The following FER1L6 variants were observed in gnomAD, a reference collection of about 807,000 sequenced individuals.
FER1L6 encodes fer-1-like protein 6.
Under a neutral mutation model 219.2 loss-of-function variants are expected in FER1L6, and 177 were observed. The ratio of observed to expected loss-of-function variants is 0.81; its 90% confidence interval spans 0.71 to 0.91. The LOEUF (loss-of-function observed/expected upper bound fraction) is 0.91, where lower values mean the gene tolerates loss of function less well. Ranked by LOEUF, FER1L6 falls within the 40% of genes least tolerant of loss-of-function variation. The pLI is 0.00. For synonymous variants in FER1L6, 768 were observed against 824.3 expected, an observed-to-expected ratio of 0.93 and a Z score of 1.17; for missense variants, 2,153 against 2,259.9, an observed-to-expected ratio of 0.95 and a Z score of 0.96.
At chr8:124,080,160 T>G (rs1216566408) in intron 32 of FER1L6, among the ~76,000 whole-genome samples, 1 of 152,156 alleles carries the variant, frequency 6.6e-6, no homozygotes, top group Non-Finnish European at 1.5e-5. Flanking sequence ...GCTCAGAGGC[T>G]CTTCATGCTT....
In FER1L6 at chr8:123,853,385, C is replaced by T. The variant is rs751023932; in HGVS notation, c.-8+1200C>T. 6.6e-6 allele frequency among the ~76,000 whole-genome samples: 1 copy of T among 151,778 alleles called. No homozygotes were observed. Among genetic ancestry groups the T allele is most frequent in the African/African-American group, 2.4e-5 (1 of 41,308 alleles). ...GGCCAGGATGGTCTCAAACTTCTGA[C>T]CTCAAACGATCCACCCACCTCAGCC... is the stretch of plus-strand genomic sequence containing the variant. On this transcript the variant is annotated intron_variant, in intron 1 of 40. Coordinates refer to ENST00000522917, the MANE Select transcript of FER1L6 (RefSeq NM_001039112.2). The surrounding 1 kb of genome is among the most constrained non-coding windows in gnomAD (Gnocchi z 6.6).
intron 13 of FER1L6, among the ~76,000 whole-genome samples, chr8:124,008,312 A>C (rs1450287796): frequency 6.6e-6 from 1 of 152,188 alleles, no homozygotes; most frequent in Non-Finnish European, 1.5e-5. Context: ...CATCATATAT[A>C]CGCACACACA....
At chr8:123,913,471 C>T (rs1813099806) in intron 1 of FER1L6, among the ~76,000 whole-genome samples, 1 of 152,192 alleles carries the variant, frequency 6.6e-6, no homozygotes, top group East Asian at 1.9e-4. Context: ...TGTTTTTTTA[C>T]TTTGGGCTTT....
At position 124,097,840 on chromosome 8, in the gene FER1L6, A is replaced by G. The variant is rs1435914822; in HGVS notation, c.4840A>G (p.Asn1614Asp). 4.4e-6 allele frequency: 7 copies of G among 1,607,576 alleles called. No homozygotes were observed. Among genetic ancestry groups the G allele is most frequent in the Non-Finnish European group, 6.0e-6 (7 of 1,173,956 alleles). ...TGAAGATGTCATTTTAGAGGATGAG[A>G]ATATCTTCACAGGCCAAAAATCAAG... ...NTEDVILEDE[N>D]IFTGQKSSDI... The change falls in exon 37 of 41, where the codon AAT (asparagine) becomes GAT (aspartate). Residue 1614 changes from asparagine (N) to aspartate (D), a missense_variant. Asn to Asp is a conservative substitution (Grantham distance 23, BLOSUM62 1). Transcript: ENST00000522917.
chr8:124,103,440 T>C, intron 39 of FER1L6, 131 bp downstream of exon 39: 1 of 847,948 alleles, frequency 1.2e-6, no homozygotes, highest in Non-Finnish European at 1.8e-6. Flanking sequence ...GAGGTTCTGC[T>C]AAGAAGCAAG....
rs1043669289 is a variant in FER1L6 at position 124,036,237 on chromosome 8, T to C, written c.2464+783T>C. 3.9e-5 allele frequency: 6 copies of C among 152,294 alleles called. 1 individual carries two copies. The highest frequency in any genetic ancestry group is 3.9e-4 in the Admixed American group (6 of 15,290). 9.4% of individuals were successfully genotyped at this position (152,294 alleles called of 1,614,324 possible). A position where few individuals can be genotyped will look rare whatever the true frequency, so the allele number is the denominator to read the frequency against. On this transcript the variant is annotated intron_variant, in intron 19 of 40. Coordinates refer to ENST00000522917, the MANE Select transcript of FER1L6 (RefSeq NM_001039112.2). ...TCAGGTCTTCTCTGTGGCCCAAGGCTCCTCTGAGGTTGGTTGAACTTAGAC... is the reference window on the plus strand; with the variant it reads ...TCAGGTCTTCTCTGTGGCCCAAGGCCCCTCTGAGGTTGGTTGAACTTAGAC...
At chr8:123,878,441 G>C (rs1254632711) in intron 1 of FER1L6, among the ~76,000 whole-genome samples, 1 of 152,136 alleles carries the variant, frequency 6.6e-6, no homozygotes, top group Non-Finnish European at 1.5e-5. Flanking sequence ...AGCTTCTGAC[G>C]TACCCATCAC....
At chr8:123,940,651 T>G (rs1814204052) in intron 1 of FER1L6, among the ~76,000 whole-genome samples, 2 of 152,204 alleles carry the variant, frequency 1.3e-5, no homozygotes, top group African/African-American at 4.8e-5. Flanking sequence ...GTTTCACATC[T>G]TTTTGCTTTG....
chr8:124,045,320 T>C (rs1270610223), intron 20 of FER1L6, among the ~76,000 whole-genome samples: 3 of 152,206 alleles, frequency 2.0e-5, no homozygotes, highest in African/African-American at 7.2e-5. Flanking sequence ...TTGCTGGCTC[T>C]GGACAAGTGA....
At chr8:124,119,301 A>G (rs977347528) in intron 40 of FER1L6, among the ~76,000 whole-genome samples, 12 of 152,128 alleles carry the variant, frequency 7.9e-5, no homozygotes, top group African/African-American at 2.9e-4. Context: ...GCTGTCAGGA[A>G]AGACTTCATA....
At chr8:123,907,392 AT>A (rs1228940259) in intron 1 of FER1L6, among the ~76,000 whole-genome samples, 1 of 152,090 alleles carries the variant, frequency 6.6e-6, no homozygotes, top group Non-Finnish European at 1.5e-5. Flanking sequence ...ATTATGGCCC[AT>A]GCCATGCTTC....
intron 16 of FER1L6, among the ~76,000 whole-genome samples, chr8:124,018,418 A>C (rs576830965): frequency 3.3e-5 from 5 of 152,330 alleles, no homozygotes; most frequent in Admixed American, 3.3e-4. Context: ...GTTAACTGTA[A>C]TCCAAAAACT....
At chr8:124,059,024 G>A (rs1820436321) in intron 22 of FER1L6, 1 of 152,222 alleles carries the variant, frequency 6.6e-6, no homozygotes, top group Non-Finnish European at 1.5e-5. Context: ...TTGATGCACA[G>A]TTAGGCTTTT....
intron 1 of FER1L6, among the ~76,000 whole-genome samples, chr8:123,949,141 C>T (rs1391515652): frequency 1.3e-5 from 2 of 152,194 alleles, no homozygotes; most frequent in African/African-American, 4.8e-5. Flanking sequence ...CAGGATTCTC[C>T]TTCTCTGAAG....
Position 123,966,268 on chromosome 8 carries a change from C to T in FER1L6, c.362C>T (p.Thr121Ile), listed in dbSNP as rs1815536013. 1 of 1,614,100 alleles carries T rather than the reference C, an allele frequency of 6.2e-7. No individual in the cohort carries two copies. Among genetic ancestry groups the T allele is most frequent in the Non-Finnish European group, 8.5e-7 (1 of 1,180,002 alleles). The change falls in exon 5 of 41, where the codon ACC becomes ATC. Residue 121 changes from threonine to isoleucine, a missense_variant. Thr to Ile is a moderately conservative substitution (Grantham distance 89). Coordinates refer to ENST00000522917, the MANE Select transcript of FER1L6 (RefSeq NM_001039112.2). ...EKKQSTVKEGTNSPFYNEYFV... is the reference protein window; with the variant it reads ...EKKQSTVKEGINSPFYNEYFV... ...AAGCAAAGCACAGTGAAGGAAGGAA[C>T]CAACAGCCCATTTTATAATGAAGTA... is the stretch of plus-strand genomic sequence containing the variant.
intron 14 of FER1L6, 58 bp from the exon 15 acceptor site, chr8:124,013,373 T>C: frequency 1.0e-6 from 1 of 988,652 alleles, no homozygotes; most frequent in East Asian, 2.6e-5. Context: ...AATTAGTATC[T>C]CTACTACCAA....
chr8:124,084,521 A>G (rs965297740), intron 33 of FER1L6, among the ~76,000 whole-genome samples: 3 of 152,118 alleles, frequency 2.0e-5, no homozygotes, highest in Admixed American at 2.0e-4. Flanking sequence ...TGAAATGATC[A>G]TATGGTTTGT....
chr8:124,112,720 G>GA, intron 39 of FER1L6, among the ~76,000 whole-genome samples: 1 of 152,182 alleles, frequency 6.6e-6, no homozygotes, highest in Admixed American at 6.5e-5. Context: ...ATACTTATAT[G>GA]TTATGTTCTA....
rs1819141246 is a variant in FER1L6 at position 124,035,131 on chromosome 8, T to A, written c.2287-146T>A. On this transcript the variant is annotated intron_variant, in intron 18 of 40. Transcript: ENST00000522917. ...CATCAAGGCAATTGGGGCCATTGTC[T>A]TTATTTTGATTTAAGAGGAGCTCTT... 9.8e-6 allele frequency: 8 copies of A among 814,590 alleles called. No individual in the cohort carries two copies. The South Asian group carries it at 1.6e-4, about 16-fold the overall frequency. The allele number at this position is 814,590 out of a possible 1,614,324, so 50.5% of individuals were successfully genotyped here. A position where few individuals can be genotyped will look rare whatever the true frequency, so the allele number is the denominator to read the frequency against.
Sources: allele counts gnomAD v4.1 joint callset (sites outside exome capture counted in the v4.1 genomes callset), GRCh38; gene constraint gnomAD v4.1.1; non-coding constraint Gnocchi (gnomAD v3.1); transcripts MANE v1.5; gene names NCBI Gene and HGNC (gene_info 2026-07-23, HGNC 2026-07-21).